Variants in GTPBP10 observed in about 807,000 individuals in gnomAD.
The protein encoded by GTPBP10 is GTP binding protein 10, also known as GTP-binding protein 10.
A neutral mutation model predicts 44.8 loss-of-function variants in GTPBP10; 38 were observed. The observed-to-expected ratio is 0.85, with a 90% CI of 0.65 to 1.11. GTPBP10 has a LOEUF of 1.11. GTPBP10 is among the 50% of genes most tolerant of loss of function. The probability of loss-of-function intolerance (pLI) is 0.00; values close to 1 mark genes in which losing one functional copy is unlikely to be tolerated. For synonymous variants in GTPBP10, 152 were observed against 150.6 expected, an observed-to-expected ratio of 1.01 and a Z score of -0.07; for missense variants, 462 against 453.7, an observed-to-expected ratio of 1.02 and a Z score of -0.17.
At chr7:90,354,783 A>G (rs368966845) in intron 3 of GTPBP10, among the ~76,000 whole-genome samples, 2 of 152,118 alleles carry the variant, frequency 1.3e-5, no homozygotes, top group Non-Finnish European at 1.5e-5. Context: ...GCTCTTTTCA[A>G]TTGTTTACTG....
intron 6 of GTPBP10, among the ~76,000 whole-genome samples, chr7:90,375,667 A>G (rs745341155): frequency 2.0e-5 from 3 of 152,124 alleles, no homozygotes; most frequent in Non-Finnish European, 4.4e-5. Flanking sequence ...AGTAGAGGAA[A>G]TTTCAGGACA....
intron 1 of GTPBP10, among the ~76,000 whole-genome samples, chr7:90,348,557 T>A (rs1795726164): frequency 6.6e-6 from 1 of 151,770 alleles, no homozygotes; most frequent in African/African-American, 2.4e-5. Flanking sequence ...TTCATCCTTA[T>A]AGTCTTCATG....
At chr7:90,379,523 T>C (rs1796399184) in intron 8 of GTPBP10, among the ~76,000 whole-genome samples, 1 of 152,222 alleles carries the variant, frequency 6.6e-6, no homozygotes, top group South Asian at 2.1e-4. Context: ...ATTTCAGCCA[T>C]GTGATTTCTC....
At chr7:90,370,235 T>C (rs1034761080) in intron 4 of GTPBP10, among the ~76,000 whole-genome samples, 1 of 152,106 alleles carries the variant, frequency 6.6e-6, no homozygotes, top group African/African-American at 2.4e-5. Context: ...GTCATTATAT[T>C]AAAAAGATAC....
chr7:90,350,020 C>T (rs1167188437), intron 1 of GTPBP10, among the ~76,000 whole-genome samples: 1 of 152,064 alleles, frequency 6.6e-6, no homozygotes, highest in Non-Finnish European at 1.5e-5. Flanking sequence ...TTGCTGCACC[C>T]ATTAACTTGT....
At chr7:90,371,060 A>G (rs1796249062) in intron 4 of GTPBP10, 1 of 153,350 alleles carries the variant, frequency 6.5e-6, no homozygotes, top group Non-Finnish European at 1.4e-5. Flanking sequence ...GATATGAGCT[A>G]TTAAGCTATG....
intron 4 of GTPBP10, among the ~76,000 whole-genome samples, chr7:90,358,517 G>A (rs1467202548): frequency 1.3e-5 from 2 of 152,078 alleles, no homozygotes; most frequent in Non-Finnish European, 2.9e-5. Flanking sequence ...ATAAACTGGG[G>A]AAAGGATACC....
intron 4 of GTPBP10, among the ~76,000 whole-genome samples, chr7:90,365,563 A>C (rs1414039829): frequency 6.6e-6 from 1 of 150,832 alleles, no homozygotes; most frequent in East Asian, 1.9e-4. Context: ...TTTTTAGTAG[A>C]GACGGGGTTT....
At chr7:90,351,610 A>G (rs570920574) in intron 1 of GTPBP10, among the ~76,000 whole-genome samples, 5 of 152,222 alleles carry the variant, frequency 3.3e-5, no homozygotes, top group Non-Finnish European at 7.3e-5. Context: ...TTATTGAAAA[A>G]TATCTGTATA....
rs563952708 is a variant in GTPBP10, at chr7:90,356,373, A to G, written c.464+1143A>G. ...TCTATAATCCTCTATATTTTTAGGA[A>G]CATTATGGGCTTAATAGGGTCTTAT... On this transcript the variant is annotated intron_variant, in intron 4 of 9. Coordinates refer to ENST00000222511, the MANE Select transcript of GTPBP10 (RefSeq NM_033107.4). Among the ~76,000 whole-genome samples, 4 of 152,330 alleles carry G rather than the reference A, an allele frequency of 2.6e-5. No homozygotes were observed. The East Asian group carries it at 5.8e-4, about 22-fold the overall frequency.
intron 4 of GTPBP10, among the ~76,000 whole-genome samples, chr7:90,368,439 T>A (rs1796180618): frequency 6.6e-6 from 1 of 152,210 alleles, no homozygotes; most frequent in Admixed American, 6.5e-5. Flanking sequence ...GACATAGATT[T>A]GGTCTTTTCA....
Position 90,372,223 on chromosome 7 carries a change from A to T in GTPBP10, c.533A>T (p.Tyr178Phe). 1 of 1,591,984 alleles carries T rather than the reference A, an allele frequency of 6.3e-7. No individual in the cohort carries two copies. Among genetic ancestry groups the T allele is most frequent in the Non-Finnish European group, 8.6e-7 (1 of 1,163,610 alleles). ...VSHAKPAIAD[Y>F]AFTTLKPELG... Reference sequence around the variant, plus strand: ...CATGCAAAACCTGCAATTGCAGATTACGCATGTAAGTGTAATTTGATTGTA... The same window carrying T: ...CATGCAAAACCTGCAATTGCAGATTTCGCATGTAAGTGTAATTTGATTGTA... Residue 178 changes from tyrosine to phenylalanine, a missense_variant, in exon 5 of 10, where the codon TAC (tyrosine) becomes TTC (phenylalanine). Physicochemically the swap from Tyr to Phe is conservative, Grantham distance 22. Coordinates refer to ENST00000222511, the MANE Select transcript of GTPBP10 (RefSeq NM_033107.4).
intron 1 of GTPBP10, among the ~76,000 whole-genome samples, chr7:90,347,976 T>C (rs932275999): frequency 1.3e-5 from 2 of 152,126 alleles, no homozygotes; most frequent in Non-Finnish European, 2.9e-5. Flanking sequence ...CCTATTGTTC[T>C]TGCTACTTGG....
intron 4 of GTPBP10, among the ~76,000 whole-genome samples, chr7:90,358,112 A>C (rs563625148): frequency 2.0e-5 from 3 of 152,326 alleles, no homozygotes; most frequent in Non-Finnish European, 2.9e-5. Context: ...CAGTATACAC[A>C]AATCAATAGC....
intron 3 of GTPBP10, 49 bp from the exon 4 acceptor site, chr7:90,355,037 A>T: frequency 2.4e-6 from 3 of 1,229,244 alleles, no homozygotes; most frequent in Non-Finnish European, 3.4e-6. Context: ...TGCATTAGTG[A>T]TTTCACTTAT....
intron 4 of GTPBP10, among the ~76,000 whole-genome samples, chr7:90,357,092 C>T (rs1795917280): frequency 6.6e-6 from 1 of 152,120 alleles, no homozygotes; most frequent in Non-Finnish European, 1.5e-5. Flanking sequence ...GACTGAATCA[C>T]AGAAGAAAGT....
In GTPBP10 at chr7:90,361,959, G is replaced by A. The variant is rs570223621; in HGVS notation, c.464+6729G>A. 7.9e-5 allele frequency among the ~76,000 whole-genome samples: 12 copies of A among 152,280 alleles called. No homozygotes were observed. In the East Asian group the frequency reaches 2.3e-3, roughly 29 times the overall value. On this transcript the variant is annotated intron_variant, in intron 4 of 9. Coordinates refer to ENST00000222511, the MANE Select transcript of GTPBP10 (RefSeq NM_033107.4). ...TTGTCTGATGGTAGTTTGTATTTCT[G>A]TGGGATCAGTGGTGATATCCCCTTT...
chr7:90,370,801 T>C (rs760422973), intron 4 of GTPBP10, among the ~76,000 whole-genome samples: 3 of 152,060 alleles, frequency 2.0e-5, no homozygotes, highest in African/African-American at 7.2e-5. Context: ...GTCAGGAGAT[T>C]GAGACCATCC....
In GTPBP10 at chr7:90,385,124, T is replaced by C; in HGVS notation, c.1134T>C (p.Ala378=). ...CTACTGAGCCACCATCAAAGCATGCTGTTACTACTTCCAAAATGGATATAA... is the reference window on the plus strand; with the variant it reads ...CTACTGAGCCACCATCAAAGCATGCCGTTACTACTTCCAAAATGGATATAA... The part of the protein sequence containing the change: ...MSSTEPPSKH[A]VTTSKMDII The change falls in exon 10 of 10, where the codon GCT becomes GCC. Residue 378 remains alanine, a synonymous_variant. Transcript: ENST00000222511. The C allele has an allele frequency of 6.2e-7, 1 of 1,607,664 alleles. No homozygotes were observed. Among genetic ancestry groups the C allele is most frequent in the African/African-American group, 1.3e-5 (1 of 74,784 alleles).
Sources: allele counts gnomAD v4.1 joint callset (sites outside exome capture counted in the v4.1 genomes callset), GRCh38; gene constraint gnomAD v4.1.1; transcripts MANE v1.5; gene names NCBI Gene and HGNC (gene_info 2026-07-23, HGNC 2026-07-21).